Variants in SOX5 observed in about 807,000 individuals in gnomAD.
SOX5 encodes the protein transcription factor SOX-5.
A neutral mutation model predicts 92.0 loss-of-function variants in SOX5; 9 were observed. That is an observed-to-expected ratio of 0.10 (90% CI 0.06 to 0.17). The LOEUF (loss-of-function observed/expected upper bound fraction) is 0.17. Among genes scored for constraint, SOX5 ranks in the 10% least tolerant of loss-of-function variants. The probability of loss-of-function intolerance (pLI) is 1.00; values close to 1 mark genes in which losing one functional copy is unlikely to be tolerated. For synonymous variants in SOX5, 344 were observed against 336.3 expected (o/e 1.02, Z -0.25); for missense variants, 642 against 944.5 (o/e 0.68, Z 4.20).
At chr12:23,892,174 A>G (rs1225009570) in intron 2 of SOX5, among the ~76,000 whole-genome samples, 1 of 152,226 alleles carries the variant, frequency 6.6e-6, no homozygotes, top group Non-Finnish European at 1.5e-5. Flanking sequence ...TGGATGAAAT[A>G]ATAATGCAGT....
chr12:24,389,419 CT>C, intron 1 of SOX5, among the ~76,000 whole-genome samples: 1 of 152,190 alleles, frequency 6.6e-6, no homozygotes, highest in East Asian at 1.9e-4. Flanking sequence ...ATGTGTACCT[CT>C]TTTTTCATCA....
chr12:24,529,769 C>T (rs996417138), intron 1 of SOX5, among the ~76,000 whole-genome samples: 14 of 152,228 alleles, frequency 9.2e-5, no homozygotes, highest in Middle Eastern at 3.4e-3. Flanking sequence ...CCTGTAATCC[C>T]GGCACTTCAG....
At chr12:23,738,306 C>T (rs2093676664) in intron 5 of SOX5, 1 of 152,182 alleles carries the variant, frequency 6.6e-6, no homozygotes, top group Non-Finnish European at 1.5e-5. Flanking sequence ...AGAAGACGAA[C>T]CTGCCCTGAC....
rs1412977787 is a variant in SOX5 at position 23,639,058 on chromosome 12, G to A, written c.1017+1754C>T. On this transcript the variant is annotated intron_variant, in intron 8 of 14. Coordinates refer to ENST00000451604, the MANE Select transcript of SOX5 (RefSeq NM_006940.6). Reference sequence around the variant, plus strand: ...GGGTACAATACCACTTCTATGAAAGGAACTTTATCCCATTTACATCTCAAA... The same window carrying A: ...GGGTACAATACCACTTCTATGAAAGAAACTTTATCCCATTTACATCTCAAA... Among the ~76,000 whole-genome samples, 2 of 151,950 alleles carry A rather than the reference G, an allele frequency of 1.3e-5. 1 individual carries two copies. Among genetic ancestry groups the A allele is most frequent in the East Asian group, 3.9e-4 (2 of 5,174 alleles).
chr12:23,653,730 T>G (rs2081975490), intron 7 of SOX5, among the ~76,000 whole-genome samples: 1 of 152,080 alleles, frequency 6.6e-6, no homozygotes. Context: ...GCCACTCTTA[T>G]AAGGACTTTG....
chr12:24,063,287 C>G (rs1365539402), intron 4 of SOX5, among the ~76,000 whole-genome samples: 1 of 152,152 alleles, frequency 6.6e-6, no homozygotes, highest in Non-Finnish European at 1.5e-5. Context: ...TAACTAGTGG[C>G]TTTCCCTGTT....
intron 1 of SOX5, among the ~76,000 whole-genome samples, chr12:24,399,372 T>A (rs1792827654): frequency 6.6e-6 from 1 of 152,208 alleles, no homozygotes; most frequent in African/African-American, 2.4e-5. Flanking sequence ...CAGATATTTG[T>A]CAATAACTGT....
chr12:23,805,790 A>C (rs2095759509), intron 3 of SOX5, among the ~76,000 whole-genome samples: 1 of 152,170 alleles, frequency 6.6e-6, no homozygotes, highest in African/African-American at 2.4e-5. Context: ...AGCAATCAGA[A>C]AATTTTCTAT....
chr12:24,557,243 C>A (rs1334701356), intron 1 of SOX5, among the ~76,000 whole-genome samples: 1 of 151,818 alleles, frequency 6.6e-6, no homozygotes, highest in Non-Finnish European at 1.5e-5. Flanking sequence ...CAAAAATTAG[C>A]TGGGTGTGGC....
intron 2 of SOX5, among the ~76,000 whole-genome samples, chr12:24,354,111 T>C (rs76477865): frequency 0.02 from 3,083 of 152,240 alleles, 58 homozygotes; most frequent in Non-Finnish European, 0.03. Flanking sequence ...TTATAGACTG[T>C]GAAAAAATGC....
rs1167568871 is a variant in SOX5, at chr12:23,862,744, G to A, written c.271-16551C>T. On this transcript the variant is annotated intron_variant, in intron 2 of 14. Coordinates refer to ENST00000451604, the MANE Select transcript of SOX5 (RefSeq NM_006940.6). The stretch of plus-strand genomic sequence containing the variant: ...GCTGACTTTGTAATAGGTTCTTACT[G>A]AAAATCTCTGGCTTTTTACACTGAA... 3.9e-5 allele frequency among the ~76,000 whole-genome samples: 6 copies of A among 152,132 alleles called. No homozygotes were observed. In the East Asian group the frequency reaches 9.6e-4, roughly 24 times the overall value.
intron 1 of SOX5, among the ~76,000 whole-genome samples, chr12:24,497,859 C>T (rs117812177): frequency 0.017 from 2,573 of 152,268 alleles, 27 homozygotes; most frequent in Middle Eastern, 0.034. Flanking sequence ...CCATGGCATA[C>T]TATGCAGCCA....
intron 1 of SOX5, among the ~76,000 whole-genome samples, chr12:24,550,737 G>A (rs779350099): frequency 2.6e-5 from 4 of 152,182 alleles, no homozygotes; most frequent in African/African-American, 4.8e-5. Context: ...GAAGAAAGAG[G>A]CTGCATAGAT....
intron 3 of SOX5, among the ~76,000 whole-genome samples, chr12:23,820,119 C>A (rs763339775): frequency 6.6e-6 from 1 of 152,168 alleles, no homozygotes; most frequent in Non-Finnish European, 1.5e-5. Flanking sequence ...TAATGATCAC[C>A]ATTTAACTGG....
chr12:24,249,929 G>A (rs1939686073), intron 3 of SOX5, among the ~76,000 whole-genome samples: 1 of 152,168 alleles, frequency 6.6e-6, no homozygotes, highest in Non-Finnish European at 1.5e-5. Context: ...GCAGAAGGAA[G>A]GGAAATAGTA....
intron 4 of SOX5, among the ~76,000 whole-genome samples, chr12:24,204,921 A>T (rs1043742451): frequency 6.6e-6 from 1 of 152,198 alleles, no homozygotes; most frequent in Non-Finnish European, 1.5e-5. Flanking sequence ...CTAACAATTA[A>T]GGAAAAGGTT....
rs536655891 is a variant in SOX5, at chr12:24,169,518, C to T, written c.-2+43825G>A. On this transcript the variant is annotated intron_variant, in intron 4 of 4. Transcript: ENST00000446891. ...AACCACTATCCACAACTGTTTTACT[C>T]GGCCATGATCTTCATAGTGTTTACA... 5.3e-5 allele frequency among the ~76,000 whole-genome samples: 8 copies of T among 152,308 alleles called. No homozygotes were observed. The South Asian group carries it at 6.2e-4, about 12-fold the overall frequency.
intron 4 of SOX5, among the ~76,000 whole-genome samples, chr12:24,016,789 G>T (rs775970892): frequency 2.6e-5 from 4 of 152,082 alleles, no homozygotes; most frequent in Non-Finnish European, 5.9e-5. Context: ...AGCCAACAGA[G>T]AAAGAGAGCA....
intron 4 of SOX5, among the ~76,000 whole-genome samples, chr12:23,998,330 T>A (rs956691378): frequency 2.0e-5 from 3 of 152,112 alleles, no homozygotes; most frequent in Non-Finnish European, 4.4e-5. Flanking sequence ...AACAGTAGAT[T>A]TGCCTGGCCT....
Sources: allele counts gnomAD v4.1 joint callset (sites outside exome capture counted in the v4.1 genomes callset), GRCh38; gene constraint gnomAD v4.1.1; transcripts MANE v1.5; gene names NCBI Gene and HGNC (gene_info 2026-07-23, HGNC 2026-07-21).